Variants in ROBO1 observed in about 807,000 individuals in gnomAD.
ROBO1 encodes roundabout homolog 1.
Under a neutral mutation model 195.9 loss-of-function variants are expected in ROBO1, and 149 were observed. The observed-to-expected ratio is 0.76, with a 90% CI of 0.67 to 0.87. ROBO1 has a LOEUF of 0.87. Among genes scored for constraint, ROBO1 ranks in the 40% least tolerant of loss-of-function variants. The pLI is 0.00. For missense variants in ROBO1, 1,933 were observed against 2,068.3 expected (o/e 0.93, Z 1.27); for synonymous variants, 816 against 733.2 (o/e 1.11, Z -1.82).
intron 10 of ROBO1, among the ~76,000 whole-genome samples, chr3:78,672,810 G>A (rs1708142101): frequency 6.6e-6 from 1 of 152,016 alleles, no homozygotes; most frequent in Non-Finnish European, 1.5e-5. Flanking sequence ...ATCTTCTGTT[G>A]GAATTATTAG....
chr3:79,273,083 C>T (rs1277165015), intron 2 of ROBO1, among the ~76,000 whole-genome samples: 1 of 152,030 alleles, frequency 6.6e-6, no homozygotes, highest in East Asian at 1.9e-4. Context: ...TCGTCAACAC[C>T]AGACCTACCT....
chr3:79,586,044 G>A (rs60916085), intron 2 of ROBO1, among the ~76,000 whole-genome samples: 65,133 of 151,610 alleles, frequency 0.43, 14,112 homozygotes, highest in African/African-American at 0.48. Flanking sequence ...AAAGTATCCC[G>A]AAAGAAATTC....
intron 3 of ROBO1, among the ~76,000 whole-genome samples, chr3:78,977,959 C>T (rs1231840567): frequency 6.6e-6 from 1 of 152,104 alleles, no homozygotes; most frequent in Non-Finnish European, 1.5e-5. Context: ...ACTGGCAAGA[C>T]AAAATGTCCT....
intron 5 of ROBO1, among the ~76,000 whole-genome samples, chr3:78,740,307 C>G (rs1443859780): frequency 6.6e-6 from 1 of 151,620 alleles, no homozygotes; most frequent in Admixed American, 6.6e-5. Context: ...ATAGCAAGTT[C>G]TTAATATGCA....
chr3:78,769,617 G>GTTTT (rs1559836189), intron 4 of ROBO1, among the ~76,000 whole-genome samples: 3 of 72,920 alleles, frequency 4.1e-5, no homozygotes, highest in African/African-American at 9.2e-5. Flanking sequence ...AGTGTACTTT[G>GTTTT]GTTTTTTTTT....
chr3:79,615,311 A>T (rs897265549), intron 1 of ROBO1, among the ~76,000 whole-genome samples: 4 of 152,190 alleles, frequency 2.6e-5, no homozygotes, highest in African/African-American at 9.6e-5. Context: ...GATAATCTTC[A>T]AATCTACCTA....
At chr3:78,609,622 A>G (rs1703671268) in intron 28 of ROBO1, among the ~76,000 whole-genome samples, 1 of 152,188 alleles carries the variant, frequency 6.6e-6, no homozygotes, top group African/African-American at 2.4e-5. Flanking sequence ...GCCTAATGTT[A>G]TATTCTATGA....
At chr3:79,101,506 G>A (rs761172678) in intron 3 of ROBO1, among the ~76,000 whole-genome samples, 6 of 151,846 alleles carry the variant, frequency 4.0e-5, no homozygotes, top group Admixed American at 6.6e-5. Context: ...TTGCCTCTCC[G>A]CCCAGAGTCT....
chr3:79,418,046 C>A (rs2038077435), intron 2 of ROBO1, among the ~76,000 whole-genome samples: 1 of 152,062 alleles, frequency 6.6e-6, no homozygotes, highest in Admixed American at 6.6e-5. Flanking sequence ...CATTGTAGAA[C>A]CTCAAGCAAT....
At chr3:79,148,943 G>A (rs545159558) in intron 2 of ROBO1, among the ~76,000 whole-genome samples, 14 of 152,048 alleles carry the variant, frequency 9.2e-5, no homozygotes, top group African/African-American at 2.9e-4. Context: ...AGGCAATGAA[G>A]TGCTGGAGTC....
In ROBO1 at chr3:78,668,247, A is replaced by G. The variant is rs1358714405; in HGVS notation, c.1686T>C (p.Ser562=). The G allele has an allele frequency of 6.2e-7, 1 of 1,613,898 alleles. No homozygotes were observed. Among genetic ancestry groups the G allele is most frequent in the South Asian group, 1.1e-5 (1 of 91,086 alleles). Reference sequence around the variant, plus strand: ...CTGTCACTTCAGGTTTTGATGGGGCACTAGGGATTAAATTTGGGTCAGTAG... The same window carrying G: ...CTGTCACTTCAGGTTTTGATGGGGCGCTAGGGATTAAATTTGGGTCAGTAG... The part of the protein sequence containing the change: ...PRPTDPNLIP[S]APSKPEVTDV... Residue 562 remains serine, a synonymous_variant, in exon 13 of 31, where the codon AGT becomes AGC. Transcript: ENST00000464233.
chr3:79,116,352 TTTC>T lies in ROBO1; in HGVS notation c.172+9101_172+9103del, dbSNP rs1028852094. Among the ~76,000 whole-genome samples, 29 of 151,232 alleles carry T rather than the reference TTTC, an allele frequency of 1.9e-4. No individual in the cohort carries two copies. The South Asian group carries it at 3.8e-3, about 20-fold the overall frequency. On this transcript the variant is annotated intron_variant, in intron 3 of 30. Transcript: ENST00000464233. The stretch of plus-strand genomic sequence containing the variant: ...TTTTCTTTTCCTTTCTTTCTTTTTC[TTTC>T]TTATTTTTTTCGTTCTTTTCTTTCT...
chr3:79,059,890 G>A (rs951870107), intron 3 of ROBO1, among the ~76,000 whole-genome samples: 1 of 152,038 alleles, frequency 6.6e-6, no homozygotes, highest in Non-Finnish European at 1.5e-5. Flanking sequence ...CAGGATAACA[G>A]CGATTTTCAG....
At chr3:78,894,469 CATATTT>C (rs773260181) in intron 4 of ROBO1, among the ~76,000 whole-genome samples, 91 of 152,074 alleles carry the variant, frequency 6.0e-4, no homozygotes, top group Admixed American at 5.2e-4. Context: ...TTTTTGAAAT[CATATTT>C]ATATGTTTAA....
At chr3:78,623,160 G>A (rs1417045541) in intron 26 of ROBO1, among the ~76,000 whole-genome samples, 8 of 152,160 alleles carry the variant, frequency 5.3e-5, no homozygotes, top group African/African-American at 1.2e-4. Flanking sequence ...TAGTCTAGTG[G>A]AGGAGACAAA....
chr3:79,078,408 A>AT (rs1334530307), intron 3 of ROBO1, among the ~76,000 whole-genome samples: 3 of 151,684 alleles, frequency 2.0e-5, no homozygotes, highest in Non-Finnish European at 4.4e-5. Flanking sequence ...TAAGATGGGT[A>AT]TTTTTTTGGG....
intron 10 of ROBO1, among the ~76,000 whole-genome samples, chr3:78,679,935 T>C (rs1420378034): frequency 1.3e-5 from 2 of 151,954 alleles, no homozygotes; most frequent in Non-Finnish European, 2.9e-5. Context: ...CAAACTATAC[T>C]ACAAGGCTAC....
chr3:79,057,388 C>T (rs1282536200), intron 3 of ROBO1, among the ~76,000 whole-genome samples: 1 of 151,994 alleles, frequency 6.6e-6, no homozygotes, highest in Admixed American at 6.6e-5. Context: ...GAGACTCAAG[C>T]TTCATGTGAA....
In ROBO1 at chr3:78,810,661, T is replaced by C. The variant is rs536867681; in HGVS notation, c.500-63761A>G. On this transcript the variant is annotated intron_variant, in intron 4 of 30. Transcript: ENST00000464233. ...GTTGGTAAATCTATTCTGGTTCTGATTTACAATGGGAAAAAAAAAAAGTAA... is the reference window on the plus strand; with the variant it reads ...GTTGGTAAATCTATTCTGGTTCTGACTTACAATGGGAAAAAAAAAAAGTAA... Among the ~76,000 whole-genome samples, 8 of 152,144 alleles carry C rather than the reference T, an allele frequency of 5.3e-5. No homozygotes were observed. In the South Asian group the frequency reaches 1.5e-3, roughly 28 times the overall value.
Sources: allele counts gnomAD v4.1 joint callset (sites outside exome capture counted in the v4.1 genomes callset), GRCh38; gene constraint gnomAD v4.1.1; transcripts MANE v1.5; gene names NCBI Gene and HGNC (gene_info 2026-07-23, HGNC 2026-07-21).